GBE1: variants seen among roughly 807,000 people sequenced by gnomAD.
The protein encoded by GBE1 is 1,4-alpha-glucan-branching enzyme.
A neutral mutation model predicts 88.8 loss-of-function variants in GBE1; 70 were observed. That is an observed-to-expected ratio of 0.79 (90% CI 0.65 to 0.96). The LOEUF (loss-of-function observed/expected upper bound fraction) is 0.96, where lower values mean the gene tolerates loss of function less well. Ranked by LOEUF, GBE1 falls within the 40% of genes least tolerant of loss-of-function variation. The probability of loss-of-function intolerance (pLI) is 0.00; values close to 1 mark genes in which losing one functional copy is unlikely to be tolerated. For synonymous variants in GBE1, 284 were observed against 300.1 expected (o/e 0.95, Z 0.56); for missense variants, 872 against 871.0 (o/e 1.00, Z -0.01).
intron 2 of GBE1, 58 bp downstream of exon 2, chr3:81,705,386 T>C: frequency 8.6e-7 from 1 of 1,157,778 alleles, no homozygotes; most frequent in Admixed American, 3.3e-5. Context: ...ATAAGAAATA[T>C]ATGTATTAAA....
intron 3 of GBE1, among the ~76,000 whole-genome samples, chr3:81,659,697 T>C (rs1403270630): frequency 6.8e-6 from 1 of 146,952 alleles, no homozygotes; most frequent in Non-Finnish European, 1.5e-5. Flanking sequence ...ATATAAAGCA[T>C]GGAGGGAAAA....
intron 7 of GBE1, among the ~76,000 whole-genome samples, chr3:81,621,665 T>C (rs886566935): frequency 2.6e-5 from 4 of 152,216 alleles, no homozygotes; most frequent in African/African-American, 9.6e-5. Flanking sequence ...CACGGTCTAT[T>C]ACCCGAATCA....
chr3:81,740,037 C>G (rs1706323324), intron 1 of GBE1, among the ~76,000 whole-genome samples: 2 of 152,002 alleles, frequency 1.3e-5, no homozygotes. Flanking sequence ...CCAGCCTGAG[C>G]AGCATAGCAA....
intron 1 of GBE1, among the ~76,000 whole-genome samples, chr3:81,729,453 T>A (rs1341413783): frequency 6.6e-6 from 1 of 152,204 alleles, no homozygotes; most frequent in Non-Finnish European, 1.5e-5. Context: ...AGGTTGTACA[T>A]GTGGTTTTCC....
At chr3:81,618,348 T>C (rs1704278613) in intron 7 of GBE1, among the ~76,000 whole-genome samples, 1 of 152,130 alleles carries the variant, frequency 6.6e-6, no homozygotes, top group African/African-American at 2.4e-5. Flanking sequence ...AATAATTCAA[T>C]GATCATTCTC....
intron 14 of GBE1, among the ~76,000 whole-genome samples, chr3:81,509,827 T>C (rs994635766): frequency 1.3e-5 from 2 of 152,028 alleles, no homozygotes; most frequent in African/African-American, 4.8e-5. Flanking sequence ...CATTTCATTA[T>C]CTATAAAGTT....
rs145798460 is a variant in GBE1 at position 81,620,150 on chromosome 3, C to T, written c.992+22631G>A. On this transcript the variant is annotated intron_variant, in intron 7 of 15. Transcript: ENST00000429644. ...TTTAAAAGGCTGTCATATATGACAG[C>T]ATGAGAAGGTCAAATTATTTTTGAC... Among the ~76,000 whole-genome samples the T allele has an allele frequency of 1.1e-3, 165 of 150,992 alleles. No individual in the cohort carries two copies. The East Asian group carries it at 0.015, about 14-fold the overall frequency.
chr3:81,654,341 G>A (rs542940653), intron 3 of GBE1, among the ~76,000 whole-genome samples: 12 of 152,114 alleles, frequency 7.9e-5, no homozygotes, highest in African/African-American at 2.2e-4. Context: ...GTGTGTGTGT[G>A]TTCATTCATG....
chr3:81,761,636 AGGCAAGCCGAGGCGAGCCGC>A (rs1466842739), exon 1 of GBE1: 4 of 1,256,542 alleles, frequency 3.2e-6, no homozygotes, highest in African/African-American at 1.5e-5. Flanking sequence ...AGGCGTGTCG[AGGCAAGCCGAGGCGAGCCGC>A]GGCGGTCCGG....
intron 7 of GBE1, among the ~76,000 whole-genome samples, chr3:81,614,141 A>G (rs1478191621): frequency 6.6e-6 from 1 of 152,132 alleles, no homozygotes; most frequent in Non-Finnish European, 1.5e-5. Context: ...CAGCCTCCCA[A>G]GTAGTTGGGA....
rs896599427 is a variant in GBE1 at position 81,581,122 on chromosome 3, G to A, written c.1446+43C>T. On this transcript the variant is annotated intron_variant, in intron 11 of 15. Transcript: ENST00000429644. Reference sequence around the variant, plus strand: ...TATTAAGGAGAGGGAAGGAGGAAGAGAGAGAGAGAGAAATAAATGAATTTA... The same window carrying A: ...TATTAAGGAGAGGGAAGGAGGAAGAAAGAGAGAGAGAAATAAATGAATTTA... 2.6e-5 allele frequency: 28 copies of A among 1,095,752 alleles called. No individual in the cohort carries two copies. The African/African-American group carries it at 3.9e-4, about 15-fold the overall frequency. 67.9% of individuals were successfully genotyped at this position (1,095,752 alleles called of 1,614,324 possible). A position where few individuals can be genotyped will look rare whatever the true frequency, so the allele number is the denominator to read the frequency against.
At chr3:81,524,085 A>C (rs1559633144) in intron 14 of GBE1, among the ~76,000 whole-genome samples, 1 of 151,822 alleles carries the variant, frequency 6.6e-6, no homozygotes, top group African/African-American at 2.4e-5. Flanking sequence ...ACTGTTCTCC[A>C]TACTGGCTGT....
At chr3:81,618,485 G>A (rs2107007635) in intron 7 of GBE1, among the ~76,000 whole-genome samples, 1 of 152,210 alleles carries the variant, frequency 6.6e-6, no homozygotes, top group South Asian at 2.1e-4. Flanking sequence ...CACACTCCAT[G>A]ATTCTACATG....
chr3:81,573,298 A>G (rs1703599217), intron 12 of GBE1, among the ~76,000 whole-genome samples: 1 of 152,152 alleles, frequency 6.6e-6, no homozygotes, highest in Non-Finnish European at 1.5e-5. Flanking sequence ...ATCTCAAATT[A>G]TCAGTCAATT....
At chr3:81,691,960 C>A (rs942580256) in intron 2 of GBE1, among the ~76,000 whole-genome samples, 1 of 152,056 alleles carries the variant, frequency 6.6e-6, no homozygotes. Context: ...GAGCCAAGGG[C>A]GTGATCATAG....
chr3:81,713,869 C>T (rs1335596694), intron 1 of GBE1, among the ~76,000 whole-genome samples: 4 of 151,936 alleles, frequency 2.6e-5, no homozygotes, highest in Non-Finnish European at 1.5e-5. Flanking sequence ...TAGTGAAATC[C>T]ATCTATTTAT....
chr3:81,607,627 T>C (rs764799375), intron 7 of GBE1, among the ~76,000 whole-genome samples: 4 of 152,186 alleles, frequency 2.6e-5, no homozygotes, highest in Non-Finnish European at 4.4e-5. Context: ...CTTGTCATAT[T>C]ATTTTAATTA....
At chr3:81,745,533 T>G (rs1322989331) in intron 1 of GBE1, among the ~76,000 whole-genome samples, 1 of 151,882 alleles carries the variant, frequency 6.6e-6, no homozygotes, top group African/African-American at 2.4e-5. Flanking sequence ...ATTATAACAA[T>G]AATAATTATT....
chr3:81,642,747 C>A (rs1159172952), intron 7 of GBE1, 34 bp downstream of exon 7: 5 of 1,312,306 alleles, frequency 3.8e-6, no homozygotes, highest in Admixed American at 3.5e-5. Flanking sequence ...TAAACAGCAA[C>A]AATAGAAAAC....
Sources: gnomAD v4.1 joint callset for allele counts (sites outside exome capture counted in the v4.1 genomes callset) on GRCh38, gnomAD v4.1.1 for gene constraint, MANE v1.5 for transcripts, NCBI Gene and HGNC (gene_info 2026-07-23, HGNC 2026-07-21) for gene names.